CD274: variants seen among roughly 807,000 people sequenced by gnomAD.
The protein encoded by CD274 is CD274 molecule, also known as programmed cell death 1 ligand 1.
In CD274, 8 loss-of-function variants were observed where a neutral mutation model predicts 30.1. The observed-to-expected ratio is 0.27, with a 90% confidence interval of 0.16 to 0.48. CD274 has a LOEUF of 0.48. Ranked by LOEUF, CD274 falls within the 20% of genes least tolerant of loss-of-function variation. The pLI is 0.99. For missense variants in CD274, 353 were observed against 346.6 expected, an observed-to-expected ratio of 1.02 and a Z score of -0.15; for synonymous variants, 152 against 124.6, an observed-to-expected ratio of 1.22 and a Z score of -1.46.
In CD274 at chr9:5,455,979, A is replaced by C. The variant is rs572288112; in HGVS notation, c.-14-121A>C. ...TTCCCTGTTGGGTTTCCACAATTAC[A>C]AGTCAATCATGACTGGTTATTAGAA... is the stretch of plus-strand genomic sequence containing the variant. On this transcript the variant is annotated intron_variant, in intron 1 of 6. Coordinates refer to ENST00000381577, the MANE Select transcript of CD274 (RefSeq NM_014143.4). The C allele has an allele frequency of 2.3e-4, 150 of 645,818 alleles. 2 individuals are homozygous for C. The South Asian group carries it at 2.6e-3, about 11-fold the overall frequency. The allele number at this position is 645,818 out of a possible 1,614,324, so 40.0% of individuals were successfully genotyped here. A position where few individuals can be genotyped will look rare whatever the true frequency, so the allele number is the denominator to read the frequency against.
chr9:5,451,244 T>TC (rs1819197166), intron 1 of CD274, among the ~76,000 whole-genome samples: 1 of 152,200 alleles, frequency 6.6e-6, no homozygotes, highest in Admixed American at 6.5e-5. Flanking sequence ...TTTTAATACT[T>TC]GAAAAAAATT....
chr9:5,466,162 T>C (rs1441544196), intron 5 of CD274, among the ~76,000 whole-genome samples: 1 of 152,166 alleles, frequency 6.6e-6, no homozygotes, highest in Admixed American at 6.5e-5. Context: ...CTCCAATACT[T>C]AGAGAAGTAT....
rs750663291 is a variant in CD274 at position 5,457,063 on chromosome 9, CCTT to C, written c.53-12_53-10del. On this transcript the variant is annotated splice_polypyrimidine_tract_variant and intron_variant, in intron 2 of 6. Coordinates refer to ENST00000381577, the MANE Select transcript of CD274 (RefSeq NM_014143.4). ...GAATTTTCCCTTTTCTGAAGATTGT[CCTT>C]CTTTCTTTTTAGCATTTACTGTCAC... 105 of 1,556,590 alleles carry C rather than the reference CCTT, an allele frequency of 6.7e-5. No homozygotes were observed. The highest frequency in any genetic ancestry group is 8.3e-5 in the Non-Finnish European group (94 of 1,136,582).
chr9:5,452,496 G>A (rs1477259004), intron 1 of CD274, among the ~76,000 whole-genome samples: 7 of 152,218 alleles, frequency 4.6e-5, no homozygotes, highest in African/African-American at 9.6e-5. Context: ...GTCTCCATTC[G>A]GATATGGGAA....
At position 5,468,127 on chromosome 9, in the gene CD274, G is replaced by A. The variant is rs983711716; in HGVS notation, c.*265G>A. ...CATCGACGCCTGTGACAGGGAGAAAGGATACTTCTGAACAAGGAGCCTCCA... is the reference window on the plus strand; with the variant it reads ...CATCGACGCCTGTGACAGGGAGAAAAGATACTTCTGAACAAGGAGCCTCCA... On this transcript the variant is annotated 3_prime_UTR_variant, in exon 7 of 7. Coordinates refer to ENST00000381577, the MANE Select transcript of CD274 (RefSeq NM_014143.4). 2.0e-6 allele frequency: 1 copy of A among 495,618 alleles called. No homozygotes were observed. The allele number at this position is 495,618 out of a possible 1,614,324, so 30.7% of individuals were successfully genotyped here.
chr9:5,452,013 C>T (rs1458668130), intron 1 of CD274, among the ~76,000 whole-genome samples: 2 of 141,770 alleles, frequency 1.4e-5, no homozygotes, highest in Admixed American at 7.4e-5. Flanking sequence ...GAAGTTTAAC[C>T]GGTTTTTTTT....
chr9:5,467,330 G>T (rs1435820010), intron 6 of CD274, among the ~76,000 whole-genome samples: 1 of 152,022 alleles, frequency 6.6e-6, no homozygotes, highest in South Asian at 2.1e-4. Flanking sequence ...ATCAAGCTTG[G>T]GGGCCATTAG....
At chr9:5,460,626 A>G (rs1819387152) in intron 3 of CD274, among the ~76,000 whole-genome samples, 1 of 152,168 alleles carries the variant, frequency 6.6e-6, no homozygotes, top group East Asian at 1.9e-4. Context: ...TCTAAACCCA[A>G]GCAGATTAGC....
chr9:5,464,719 T>C (rs1819467169), intron 4 of CD274, among the ~76,000 whole-genome samples: 2 of 152,182 alleles, frequency 1.3e-5, no homozygotes, highest in South Asian at 2.1e-4. Flanking sequence ...TCCTTAGCAG[T>C]GCTGGTTGGC....
intron 3 of CD274, 56 bp from the exon 4 acceptor site, chr9:5,462,778 A>G: frequency 1.1e-5 from 16 of 1,490,344 alleles, no homozygotes; most frequent in Non-Finnish European, 1.5e-5. Flanking sequence ...GCATCAAGCT[A>G]TGTACGTAGT....
chr9:5,458,476 T>A (rs772168273), intron 3 of CD274, among the ~76,000 whole-genome samples: 1 of 152,234 alleles, frequency 6.6e-6, no homozygotes, highest in African/African-American at 2.4e-5. Context: ...CATGATGACC[T>A]TTTAATATTT....
intron 3 of CD274, 23 bp downstream of exon 3, chr9:5,457,443 G>C (rs764258724): frequency 1.3e-5 from 20 of 1,565,278 alleles, no homozygotes; most frequent in Non-Finnish European, 1.6e-5. Context: ...ATAGATGAGA[G>C]GCCTGATCTT....
chr9:5,459,471 C>T (rs1274998284), intron 3 of CD274, among the ~76,000 whole-genome samples: 1 of 152,180 alleles, frequency 6.6e-6, no homozygotes, highest in East Asian at 1.9e-4. Flanking sequence ...CCTGAGTCAC[C>T]TCCATATGCA....
In CD274 at chr9:5,470,054, A is replaced by G; in HGVS notation, c.*2192A>G. 4.3e-6 allele frequency: 1 copy of G among 233,106 alleles called. No homozygotes were observed. The highest frequency in any genetic ancestry group is 8.5e-6 in the Non-Finnish European group (1 of 117,932). 14.4% of individuals were successfully genotyped at this position (233,106 alleles called of 1,614,324 possible). ...GTCATCACTACACAGCCCTCCTAAGAGGCTTCCTGGAGGTTTCGAGATTCA... is the reference window on the plus strand; with the variant it reads ...GTCATCACTACACAGCCCTCCTAAGGGGCTTCCTGGAGGTTTCGAGATTCA... On this transcript the variant is annotated 3_prime_UTR_variant, in exon 7 of 7. Transcript: ENST00000381577.
intron 6 of CD274, 43 bp from the exon 7 acceptor site, chr9:5,467,797 A>C: frequency 6.5e-7 from 1 of 1,529,522 alleles, no homozygotes; most frequent in Non-Finnish European, 9.1e-7. Flanking sequence ...CTTTTTCCCC[A>C]GACCACTTCC....
intron 1 of CD274, among the ~76,000 whole-genome samples, chr9:5,454,924 T>C (rs961892471): frequency 2.6e-5 from 4 of 152,250 alleles, no homozygotes; most frequent in African/African-American, 9.6e-5. Context: ...ACATGTCACC[T>C]GTATTTCTTA....
rs554275781 is a variant in CD274 at position 5,460,158 on chromosome 9, T to C, written c.395-2676T>C. Among the ~76,000 whole-genome samples, 10 of 152,270 alleles carry C rather than the reference T, an allele frequency of 6.6e-5. No individual in the cohort carries two copies. The South Asian group carries it at 1.9e-3, about 28-fold the overall frequency. On this transcript the variant is annotated intron_variant, in intron 3 of 6. Transcript: ENST00000381577. ...TTGAGTCAATGAATGAATGATTTCC[T>C]CAAATAGGATTAGCCTAAAATTTTG... is the stretch of plus-strand genomic sequence containing the variant.
intron 5 of CD274, 79 bp downstream of exon 5, chr9:5,465,685 C>A: frequency 1.2e-6 from 1 of 848,524 alleles, no homozygotes; most frequent in Non-Finnish European, 2.0e-6. Flanking sequence ...CAAGGAAACC[C>A]GACTTAACCT....
chr9:5,456,231 A>C (rs1404851693), intron 2 of CD274, 66 bp downstream of exon 2: 8 of 1,038,902 alleles, frequency 7.7e-6, no homozygotes, highest in Non-Finnish European at 1.0e-5. Context: ...TTTAAAACTA[A>C]AATGATCATT....
Sources: allele counts gnomAD v4.1 joint callset (sites outside exome capture counted in the v4.1 genomes callset), GRCh38; gene constraint gnomAD v4.1.1; transcripts MANE v1.5; gene names NCBI Gene and HGNC (gene_info 2026-07-23, HGNC 2026-07-21).